Variants in PRKCZ observed in about 807,000 individuals in gnomAD.
The protein encoded by PRKCZ is protein kinase C zeta, also known as protein kinase C zeta type.
A neutral mutation model predicts 79.5 loss-of-function variants in PRKCZ; 33 were observed. The ratio of observed to expected loss-of-function variants is 0.41; its 90% CI spans 0.31 to 0.55. PRKCZ has a LOEUF of 0.55. Among genes scored for constraint, PRKCZ ranks in the 20% least tolerant of loss-of-function variants. PRKCZ has a pLI of 0.19. For missense variants in PRKCZ, 578 were observed against 813.5 expected (o/e 0.71, Z 3.52); for synonymous variants, 342 against 320.9 (o/e 1.07, Z -0.70).
chr1:2,184,348 C>G (rs1687209192), intron 16 of PRKCZ: 1 of 471,432 alleles, frequency 2.1e-6, no homozygotes, highest in Admixed American at 3.6e-5. Context: ...CTCCGTCCCA[C>G]ATGTGGCCAG....
At chr1:2,093,146 A>G (rs933518330) in intron 4 of PRKCZ, among the ~76,000 whole-genome samples, 44 of 151,656 alleles carry the variant, frequency 2.9e-4, no homozygotes, top group African/African-American at 1.0e-3. Context: ...TAGCCCTGAG[A>G]GACCTGGCGG....
chr1:2,073,898 A>G (rs1387367000), intron 4 of PRKCZ: 2 of 1,255,966 alleles, frequency 1.6e-6, no homozygotes, highest in Non-Finnish European at 2.0e-6. Flanking sequence ...AGCATAAAGA[A>G]TCTGCGCTGA....
rs1674101697 is a variant in PRKCZ at position 2,127,271 on chromosome 1, A to G, written c.335-7991A>G. On this transcript the variant is annotated intron_variant, in intron 4 of 17. Transcript: ENST00000378567. This position sits in a 1 kb window ranked among gnomAD's most constrained non-coding sequence, Gnocchi z 5.1. The stretch of plus-strand genomic sequence containing the variant: ...GTGTTATTCTTCAGTCACCTTTAAA[A>G]GCATAGCATGTTTTCAATCACATGT... Among the ~76,000 whole-genome samples the G allele has an allele frequency of 6.6e-6, 1 of 152,240 alleles. No homozygotes were observed. The highest frequency in any genetic ancestry group is 2.1e-4 in the South Asian group (1 of 4,830).
chr1:2,156,266 A>G (rs563197458), intron 10 of PRKCZ, 174 bp downstream of exon 10: 1 of 572,554 alleles, frequency 1.7e-6, no homozygotes, highest in South Asian at 1.9e-5. Flanking sequence ...TGTCATATTA[A>G]GTACATTTCA....
rs997936342 is a variant in PRKCZ at position 2,172,775 on chromosome 1, C to T, written c.1285+387C>T. Among the ~76,000 whole-genome samples the T allele has an allele frequency of 5.9e-5, 9 of 152,362 alleles. No homozygotes were observed. Among genetic ancestry groups the T allele is most frequent in the Non-Finnish European group, 8.8e-5 (6 of 68,028 alleles). ...GCAGGAGCGTGTGGACAGGACCCCA[C>T]AGGCCCTGCGGCTGAGGACGCCGTG... On this transcript the variant is annotated intron_variant, in intron 13 of 17. Transcript: ENST00000378567. The surrounding 1 kb of genome is among the most constrained non-coding windows in gnomAD (Gnocchi z 7.8).
intron 4 of PRKCZ, among the ~76,000 whole-genome samples, chr1:2,081,215 G>A (rs891350334): frequency 3.3e-5 from 5 of 152,234 alleles, no homozygotes; most frequent in African/African-American, 4.8e-5. Flanking sequence ...CTGTTCATGT[G>A]GACTCGCAGG....
At chr1:2,142,156 G>A (rs1429266048) in intron 5 of PRKCZ, 1 of 237,784 alleles carries the variant, frequency 4.2e-6, no homozygotes, top group Non-Finnish European at 7.8e-6. Flanking sequence ...CACACATCCA[G>A]CAGCCGAAGC....
At chr1:2,081,374 C>A (rs908195392) in intron 4 of PRKCZ, among the ~76,000 whole-genome samples, 1 of 151,886 alleles carries the variant, frequency 6.6e-6, no homozygotes, top group African/African-American at 2.4e-5. Flanking sequence ...TGGGTGCTGA[C>A]GGGTCTCTGG....
intron 4 of PRKCZ, among the ~76,000 whole-genome samples, chr1:2,072,357 A>T (rs563237741): frequency 6.6e-6 from 1 of 152,378 alleles, no homozygotes; most frequent in East Asian, 1.9e-4. Context: ...GAGGCCAGCC[A>T]TCAGGAGATG....
chr1:2,136,861 G>A (rs1031394461), intron 5 of PRKCZ, among the ~76,000 whole-genome samples: 12 of 152,188 alleles, frequency 7.9e-5, no homozygotes, highest in Non-Finnish European at 1.6e-4. Context: ...CTTGCTCTCC[G>A]GCAGTCTGGG....
intron 4 of PRKCZ, among the ~76,000 whole-genome samples, chr1:2,109,725 A>G (rs957251137): frequency 6.6e-6 from 1 of 152,026 alleles, no homozygotes; most frequent in African/African-American, 2.4e-5. Flanking sequence ...TCGGGCTCTC[A>G]TTCTCCCCAT....
Position 2,128,873 on chromosome 1 carries a change from A to C in PRKCZ, c.335-6389A>C, listed in dbSNP as rs1674437813. On this transcript the variant is annotated intron_variant, in intron 4 of 17. Transcript: ENST00000378567. The surrounding 1 kb of genome is among the most constrained non-coding windows in gnomAD (Gnocchi z 6.5). ...AGGTAGCCGGGGGACTCGCGGTGCC[A>C]GGCCCACAGCCTCCTCGCCGGTAGT... 6.6e-6 allele frequency among the ~76,000 whole-genome samples: 1 copy of C among 152,170 alleles called. No homozygotes were observed. Among genetic ancestry groups the C allele is most frequent in the African/African-American group, 2.4e-5 (1 of 41,444 alleles).
chr1:2,176,650 C>T (rs1685553456), intron 16 of PRKCZ, among the ~76,000 whole-genome samples: 1 of 152,254 alleles, frequency 6.6e-6, no homozygotes, highest in South Asian at 2.1e-4. Context: ...AGCTCTAGCT[C>T]TGTCCTCCAC....
chr1:2,125,309 A>G lies in PRKCZ; in HGVS notation c.335-9953A>G, dbSNP rs981435485. On this transcript the variant is annotated intron_variant, in intron 4 of 17. Transcript: ENST00000378567. The surrounding 1 kb of genome is among the most constrained non-coding windows in gnomAD (Gnocchi z 4.2). ...CTATGAAAATACTGGTCAGCCTCTC[A>G]GTCATTTCATAAAATCTTGATTTTG... Among the ~76,000 whole-genome samples the G allele has an allele frequency of 2.0e-5, 3 of 152,248 alleles. No homozygotes were observed. The highest frequency in any genetic ancestry group is 6.5e-5 in the Admixed American group (1 of 15,288).
At chr1:2,182,531 C>T (rs761388573) in intron 16 of PRKCZ, 1 of 155,018 alleles carries the variant, frequency 6.5e-6, no homozygotes. Context: ...CTTGGCTCTT[C>T]CGGAGGGAAG....
chr1:2,111,217 G>C lies in PRKCZ; in HGVS notation c.335-24045G>C, dbSNP rs561156403. 1.5e-3 allele frequency among the ~76,000 whole-genome samples: 233 copies of C among 152,244 alleles called. 1 individual carries two copies. Among genetic ancestry groups the C allele is most frequent in the African/African-American group, 5.2e-3 (214 of 41,526 alleles). On this transcript the variant is annotated intron_variant, in intron 4 of 17. Coordinates refer to ENST00000378567, the MANE Select transcript of PRKCZ (RefSeq NM_002744.6). Reference sequence around the variant, plus strand: ...CTGAGCTGAGGTTACTGAGCCCTCAGGAGGGTGCTGTGGGAAAAGAAAGAG... The same window carrying C: ...CTGAGCTGAGGTTACTGAGCCCTCACGAGGGTGCTGTGGGAAAAGAAAGAG...
chr1:2,171,951 C>T (rs910541629), intron 11 of PRKCZ, 104 bp from the exon 12 acceptor site: 18 of 1,375,178 alleles, frequency 1.3e-5, no homozygotes, highest in South Asian at 4.3e-5. Flanking sequence ...GAGAGGATGC[C>T]GGGCCCGTGG....
At position 2,174,592 on chromosome 1, in the gene PRKCZ, G is replaced by A. The variant is rs1383925427; in HGVS notation, c.1406-162G>A. The stretch of plus-strand genomic sequence containing the variant: ...TAACCAGGAGGCCCAGGGAGGACCC[G>A]GCGGGACTCCGGGTTATAGATATTG... On this transcript the variant is annotated intron_variant, in intron 14 of 17. Transcript: ENST00000378567. This position sits in a 1 kb window ranked among gnomAD's most constrained non-coding sequence, Gnocchi z 6.2. Among the ~76,000 whole-genome samples, 10 of 152,380 alleles carry A rather than the reference G, an allele frequency of 6.6e-5. No homozygotes were observed. Among genetic ancestry groups the A allele is most frequent in the Admixed American group, 2.6e-4 (4 of 15,312 alleles).
intron 10 of PRKCZ, among the ~76,000 whole-genome samples, chr1:2,163,150 C>T (rs536023723): frequency 6.6e-6 from 1 of 152,370 alleles, no homozygotes; most frequent in South Asian, 2.1e-4. Context: ...TGTCCTATTC[C>T]TGACCCCAGC....
Sources: allele counts gnomAD v4.1 joint callset (sites outside exome capture counted in the v4.1 genomes callset), GRCh38; gene constraint gnomAD v4.1.1; non-coding constraint Gnocchi (gnomAD v3.1); transcripts MANE v1.5; gene names NCBI Gene and HGNC (gene_info 2026-07-23, HGNC 2026-07-21).